Variants in SLC39A9 observed in about 807,000 individuals in gnomAD.
SLC39A9 encodes the protein solute carrier family 39 member 9.
Under a neutral mutation model 28.4 loss-of-function variants are expected in SLC39A9, and 14 were observed. The ratio of observed to expected loss-of-function variants is 0.49; its 90% confidence interval spans 0.33 to 0.77. The LOEUF is 0.77. Among genes scored for constraint, SLC39A9 ranks in the 30% least tolerant of loss-of-function variants. SLC39A9 has a pLI of 0.02. For synonymous variants in SLC39A9, 119 were observed against 149.6 expected (o/e 0.80, Z 1.49); for missense variants, 283 against 381.1 (o/e 0.74, Z 2.14).
chr14:69,421,532 C>G (rs1270517880), intron 1 of SLC39A9, among the ~76,000 whole-genome samples: 5 of 152,256 alleles, frequency 3.3e-5, no homozygotes, highest in Non-Finnish European at 7.3e-5. Context: ...CTGCTCTCTT[C>G]AGAGCTATCA....
At chr14:69,452,677 AATTAT>A (rs1231338354) in intron 3 of SLC39A9, among the ~76,000 whole-genome samples, 1 of 152,166 alleles carries the variant, frequency 6.6e-6, no homozygotes, top group African/African-American at 2.4e-5. Flanking sequence ...GTGTAAGATT[AATTAT>A]ATTAGGGAAA....
At chr14:69,402,326 G>A (rs141419298) in intron 1 of SLC39A9, among the ~76,000 whole-genome samples, 15 of 152,092 alleles carry the variant, frequency 9.9e-5, no homozygotes, top group African/African-American at 3.4e-4. Context: ...TGCGGCCCAC[G>A]AGCCATGAGT....
At chr14:69,441,861 C>T in intron 2 of SLC39A9, 1 of 1,346,930 alleles carries the variant, frequency 7.4e-7, no homozygotes, top group Non-Finnish European at 9.5e-7. Flanking sequence ...GTCAGAAGGT[C>T]TGCATGCCAA....
At chr14:69,413,245 A>G (rs1000423079) in intron 1 of SLC39A9, among the ~76,000 whole-genome samples, 10 of 151,974 alleles carry the variant, frequency 6.6e-5, no homozygotes, top group African/African-American at 2.4e-4. Flanking sequence ...AGTCCCAGCT[A>G]CTCGGGAGGC....
chr14:69,455,662 C>T (rs1156800888), intron 5 of SLC39A9, 70 bp from the exon 6 acceptor site: 1 of 1,584,426 alleles, frequency 6.3e-7, no homozygotes, highest in Non-Finnish European at 8.6e-7. Flanking sequence ...AGTCAAATGG[C>T]ATATACTTCT....
rs1035431396 is a variant in SLC39A9, at chr14:69,415,369, G to T, written c.97-8725G>T. On this transcript the variant is annotated intron_variant, in intron 1 of 6. Coordinates refer to ENST00000336643, the MANE Select transcript of SLC39A9 (RefSeq NM_018375.5). ...GCATAGTTTTGATTTACATTTTTCT[G>T]ATGACTAAATGATGTTGAGCACCTT... 2.0e-5 allele frequency among the ~76,000 whole-genome samples: 3 copies of T among 152,112 alleles called. No individual in the cohort carries two copies. In the East Asian group the frequency reaches 5.8e-4, roughly 29 times the overall value.
At chr14:69,449,754 CAG>C (rs1432225344) in intron 3 of SLC39A9, among the ~76,000 whole-genome samples, 3 of 152,166 alleles carry the variant, frequency 2.0e-5, no homozygotes, top group Non-Finnish European at 2.9e-5. Flanking sequence ...AGTTCAAGAA[CAG>C]AGAGTAGCTG....
chr14:69,442,691 G>A (rs1185535511), intron 3 of SLC39A9, among the ~76,000 whole-genome samples: 1 of 152,178 alleles, frequency 6.6e-6, no homozygotes, highest in African/African-American at 2.4e-5. Flanking sequence ...ATATAGTAAT[G>A]TATGTCTTTA....
intron 1 of SLC39A9, among the ~76,000 whole-genome samples, chr14:69,413,279 C>G (rs1024394088): frequency 6.6e-6 from 1 of 152,048 alleles, no homozygotes; most frequent in African/African-American, 2.4e-5. Context: ...TGGCATGAAC[C>G]CGGGAGGTGG....
intron 2 of SLC39A9, among the ~76,000 whole-genome samples, chr14:69,426,836 T>G (rs1447099767): frequency 6.6e-6 from 1 of 152,132 alleles, no homozygotes; most frequent in Admixed American, 6.6e-5. Flanking sequence ...TATATACACA[T>G]AACGTTTGTG....
chr14:69,409,512 A>AT (rs148369820), intron 1 of SLC39A9, among the ~76,000 whole-genome samples: 8,850 of 151,892 alleles, frequency 0.058, 862 homozygotes, highest in African/African-American at 0.2. Flanking sequence ...TAATTTTTGT[A>AT]TTTTTTTAGA....
At chr14:69,427,090 T>C (rs1884239364) in intron 2 of SLC39A9, among the ~76,000 whole-genome samples, 1 of 151,438 alleles carries the variant, frequency 6.6e-6, no homozygotes, top group African/African-American at 2.4e-5. Context: ...CAGCCTTGAC[T>C]TCCCCAGGTT....
chr14:69,459,869 G>A lies in SLC39A9; in HGVS notation c.*1276G>A. On this transcript the variant is annotated 3_prime_UTR_variant, in exon 7 of 7. Coordinates refer to ENST00000336643, the MANE Select transcript of SLC39A9 (RefSeq NM_018375.5). Reference sequence around the variant, plus strand: ...CAACCACTTCTCGAACTGTAATAATGAAGATAATAATATCTTTATTCTTTA... The same window carrying A: ...CAACCACTTCTCGAACTGTAATAATAAAGATAATAATATCTTTATTCTTTA... 1.0e-6 allele frequency: 1 copy of A among 983,544 alleles called. No individual in the cohort carries two copies. The highest frequency in any genetic ancestry group is 1.2e-6 in the Non-Finnish European group (1 of 828,302). The allele number at this position is 983,544 out of a possible 1,614,324, so 60.9% of individuals were successfully genotyped here. A position where few individuals can be genotyped will look rare whatever the true frequency, so the allele number is the denominator to read the frequency against.
chr14:69,417,928 C>T (rs1332812621), intron 1 of SLC39A9, among the ~76,000 whole-genome samples: 2 of 152,174 alleles, frequency 1.3e-5, no homozygotes, highest in African/African-American at 4.8e-5. Context: ...GACAATTTGA[C>T]TTCCTCTTTT....
At chr14:69,427,086 T>C (rs1276009017) in intron 2 of SLC39A9, among the ~76,000 whole-genome samples, 1 of 151,604 alleles carries the variant, frequency 6.6e-6, no homozygotes, top group Non-Finnish European at 1.5e-5. Context: ...ACTGCAGCCT[T>C]GACTTCCCCA....
chr14:69,459,984 C>T lies in SLC39A9; in HGVS notation c.*1391C>T. Reference sequence around the variant, plus strand: ...CCTCATGTGTAAATTGACACAATCACTAATCTGGTAATTTAAACAATTGAG... The same window carrying T: ...CCTCATGTGTAAATTGACACAATCATTAATCTGGTAATTTAAACAATTGAG... On this transcript the variant is annotated 3_prime_UTR_variant, in exon 7 of 7. Transcript: ENST00000336643. The T allele has an allele frequency of 2.0e-6, 2 of 985,070 alleles. No homozygotes were observed. Among genetic ancestry groups the T allele is most frequent in the Middle Eastern group, 5.2e-4 (1 of 1,910 alleles). 61.0% of individuals were successfully genotyped at this position (985,070 alleles called of 1,614,324 possible). A position where few individuals can be genotyped will look rare whatever the true frequency, so the allele number is the denominator to read the frequency against.
At chr14:69,439,798 A>G (rs1197437473) in intron 2 of SLC39A9, among the ~76,000 whole-genome samples, 1 of 152,180 alleles carries the variant, frequency 6.6e-6, no homozygotes, top group African/African-American at 2.4e-5. Context: ...GTCTTGTGAA[A>G]TACTGACTCC....
At chr14:69,422,250 T>C (rs1883940619) in intron 1 of SLC39A9, among the ~76,000 whole-genome samples, 1 of 152,138 alleles carries the variant, frequency 6.6e-6, no homozygotes, top group African/African-American at 2.4e-5. Context: ...AATTATTCCC[T>C]TGTGGTTTTG....
chr14:69,450,852 A>T (rs1466688970), intron 3 of SLC39A9, among the ~76,000 whole-genome samples: 1 of 152,156 alleles, frequency 6.6e-6, no homozygotes, highest in Admixed American at 6.5e-5. Context: ...CTTGTGTTCC[A>T]TTATTCTTCT....
Sources: allele counts gnomAD v4.1 joint callset (sites outside exome capture counted in the v4.1 genomes callset), GRCh38; gene constraint gnomAD v4.1.1; transcripts MANE v1.5; gene names NCBI Gene and HGNC (gene_info 2026-07-23, HGNC 2026-07-21).